The following COL12A1 variants were observed in gnomAD, a reference collection of about 807,000 sequenced individuals.
COL12A1 encodes collagen type XII alpha 1 chain, also known as collagen alpha-1(XII) chain.
In COL12A1, 114 loss-of-function variants were observed where a neutral mutation model predicts 349.7. That is an observed-to-expected ratio of 0.33 (90% CI 0.28 to 0.38). The LOEUF is 0.38. Ranked by LOEUF, COL12A1 falls within the 10% of genes least tolerant of loss-of-function variation. The probability of loss-of-function intolerance (pLI) is 1.00; values close to 1 mark genes in which losing one functional copy is unlikely to be tolerated. For missense variants in COL12A1, 3,284 were observed against 3,756.9 expected (o/e 0.87, Z 3.29); for synonymous variants, 1,369 against 1,329.0 (o/e 1.03, Z -0.66).
intron 62 of COL12A1, among the ~76,000 whole-genome samples, chr6:75,091,121 T>C (rs1767741598): frequency 6.6e-6 from 1 of 152,222 alleles, no homozygotes; most frequent in Non-Finnish European, 1.5e-5. Context: ...TACCTTGGGT[T>C]ATTATTTTAT....
At position 75,124,523 on chromosome 6, in the gene COL12A1, T is replaced by C. The variant is rs978139544; in HGVS notation, c.6608-152A>G. 11 of 553,030 alleles carry C rather than the reference T, an allele frequency of 2.0e-5. No homozygotes were observed. In the South Asian group the frequency reaches 2.9e-4, roughly 15 times the overall value. The allele number at this position is 553,030 out of a possible 1,614,324, so 34.3% of individuals were successfully genotyped here. The stretch of plus-strand genomic sequence containing the variant: ...TATAAGAAACATACATGAATCATAT[T>C]TAAAAATGTGGTACTGCCAAAATAG... On this transcript the variant is annotated intron_variant, in intron 40 of 65. Coordinates refer to ENST00000322507, the MANE Select transcript of COL12A1 (RefSeq NM_004370.6).
intron 27 of COL12A1, among the ~76,000 whole-genome samples, chr6:75,139,276 C>G (rs1309385409): frequency 2.6e-5 from 4 of 152,084 alleles, no homozygotes; most frequent in African/African-American, 9.7e-5. Flanking sequence ...ACACAAAGCA[C>G]AAACTTGGCC....
intron 26 of COL12A1, 142 bp downstream of exon 26, chr6:75,143,110 T>C: frequency 2.2e-6 from 2 of 917,280 alleles, no homozygotes; most frequent in Non-Finnish European, 3.2e-6. Flanking sequence ...AAAACTGCTT[T>C]ATTAATATCA....
rs1403902862 is a variant in COL12A1 at position 75,177,720 on chromosome 6, G to A, written c.2380C>T (p.Pro794Ser). The change falls in exon 12 of 66, where the codon CCT becomes TCT. Residue 794 changes from proline (P) to serine (S), a missense_variant. Pro to Ser is a moderately conservative substitution (Grantham distance 74, BLOSUM62 -1). Around this residue, in one of 2 missense-constraint regions of COL12A1, gnomAD observed 2,601 missense variants for 2,824.8 expected, o/e 0.92. Coordinates refer to ENST00000322507, the MANE Select transcript of COL12A1 (RefSeq NM_004370.6). ...GTACCAGGTCCTGAGAAATATTCAG[G>A]AATTACAGATACTTCATATTTCGTG... ...PDTKYEVSVI[P>S]EYFSGPGTPL... 2 of 1,614,044 alleles carry A rather than the reference G, an allele frequency of 1.2e-6. No homozygotes were observed. The highest frequency in any genetic ancestry group is 1.3e-5 in the African/African-American group (1 of 75,012).
At chr6:75,189,902 T>G in intron 5 of COL12A1, 87 bp from the exon 6 acceptor site, 2 of 1,401,814 alleles carry the variant, frequency 1.4e-6, no homozygotes, top group Admixed American at 4.1e-5. Flanking sequence ...GTTGGCTCCT[T>G]AAATCATTCT....
chr6:75,133,002 C>T (rs1305561821), intron 34 of COL12A1, among the ~76,000 whole-genome samples: 1 of 152,098 alleles, frequency 6.6e-6, no homozygotes, highest in African/African-American at 2.4e-5. Context: ...AAGCAGAAAG[C>T]AAAGCTCAAT....
intron 5 of COL12A1, among the ~76,000 whole-genome samples, chr6:75,191,448 C>T (rs193120639): frequency 1.3e-3 from 203 of 152,002 alleles, no homozygotes; most frequent in African/African-American, 4.6e-3. Context: ...AGGTTGGACA[C>T]ACACAATTTC....
chr6:75,121,948 C>T (rs1166568570), intron 43 of COL12A1, among the ~76,000 whole-genome samples: 1 of 151,582 alleles, frequency 6.6e-6, no homozygotes, highest in African/African-American at 2.4e-5. Flanking sequence ...CAAACTCCAC[C>T]TCCCAGGTTC....
At chr6:75,201,947 C>A (rs1020127202) in intron 2 of COL12A1, among the ~76,000 whole-genome samples, 1 of 152,320 alleles carries the variant, frequency 6.6e-6, no homozygotes, top group Middle Eastern at 3.4e-3. Context: ...CTGAGGGAGG[C>A]AGGATGGAGC....
At chr6:75,193,977 C>T (rs188435938) in intron 3 of COL12A1, among the ~76,000 whole-genome samples, 9 of 152,192 alleles carry the variant, frequency 5.9e-5, no homozygotes, top group African/African-American at 1.7e-4. Flanking sequence ...AGTCTATCAT[C>T]GATGGACATT....
At chr6:75,153,588 A>G (rs1767599837) in intron 17 of COL12A1, among the ~76,000 whole-genome samples, 1 of 152,146 alleles carries the variant, frequency 6.6e-6, no homozygotes. Flanking sequence ...TACAGAATAC[A>G]AATGTGTCAC....
chr6:75,174,937 A>T (rs1768838665), intron 13 of COL12A1, 101 bp downstream of exon 13: 1 of 1,286,278 alleles, frequency 7.8e-7, no homozygotes, highest in Middle Eastern at 1.9e-4. Context: ...AAGAGAAAGG[A>T]TTGCACACTT....
Position 75,128,412 on chromosome 6 carries a change from C to CCT in COL12A1, c.6222_6223dup (p.Gly2075GlufsTer7). 1 of 1,599,422 alleles carries CCT rather than the reference C, an allele frequency of 6.3e-7. No individual in the cohort carries two copies. Among genetic ancestry groups the CCT allele is most frequent in the South Asian group, 1.1e-5 (1 of 87,754 alleles). On this transcript the variant is annotated frameshift_variant, in exon 38 of 66. Transcript: ENST00000322507. LOFTEE classifies it high-confidence loss of function. ...CTGCAGTATTACATTGTTTCTTCTG[C>CCT]CTGGGACTGTGGTCTATAGAGGAAG...
intron 58 of COL12A1, 143 bp from the exon 59 acceptor site, chr6:75,097,449 A>G: frequency 1.9e-6 from 1 of 521,580 alleles, no homozygotes; most frequent in Non-Finnish European, 3.4e-6. Flanking sequence ...TTCAATAAAA[A>G]GACAAACAGC....
intron 58 of COL12A1, among the ~76,000 whole-genome samples, chr6:75,099,261 T>G (rs1411720374): frequency 6.6e-6 from 1 of 152,196 alleles, no homozygotes; most frequent in Admixed American, 6.5e-5. Flanking sequence ...AGATTTCAGA[T>G]TGTTTTCCGG....
In COL12A1 at chr6:75,121,288, G is replaced by A. The variant is rs778933089; in HGVS notation, c.7086+14C>T. 47 of 1,559,204 alleles carry A rather than the reference G, an allele frequency of 3.0e-5. No individual in the cohort carries two copies. Among genetic ancestry groups the A allele is most frequent in the African/African-American group, 5.4e-5 (4 of 73,852 alleles). On this transcript the variant is annotated intron_variant, in intron 44 of 65. Transcript: ENST00000322507. ...ACATCACAAATGAGTAGCCACTGGCGGAATGACACTAACCTGAATCCCAGC... is the reference window on the plus strand; with the variant it reads ...ACATCACAAATGAGTAGCCACTGGCAGAATGACACTAACCTGAATCCCAGC...
intron 21 of COL12A1, among the ~76,000 whole-genome samples, chr6:75,149,237 C>T (rs575909305): frequency 9.2e-5 from 14 of 152,288 alleles, no homozygotes; most frequent in Admixed American, 3.3e-4. Context: ...TAGGTCCTGA[C>T]AATTTAGCTT....
intron 35 of COL12A1, among the ~76,000 whole-genome samples, chr6:75,131,378 G>A (rs966440596): frequency 1.4e-4 from 21 of 152,174 alleles, no homozygotes; most frequent in Non-Finnish European, 1.9e-4. Flanking sequence ...TACAGGTAAA[G>A]TTGTCTTAAT....
intron 4 of COL12A1, 106 bp from the exon 5 acceptor site, chr6:75,191,866 T>G: frequency 1.6e-6 from 1 of 625,118 alleles, no homozygotes; most frequent in Non-Finnish European, 2.4e-6. Context: ...CTCTTAAATG[T>G]ATGGCTCTGC....
Sources: gnomAD v4.1 joint callset for allele counts (sites outside exome capture counted in the v4.1 genomes callset) on GRCh38, gnomAD v4.1.1 for gene constraint, gnomAD v4.1.1 regional missense constraint, MANE v1.5 for transcripts, NCBI Gene and HGNC (gene_info 2026-07-23, HGNC 2026-07-21) for gene names.